Variants in EYS observed in about 807,000 individuals in gnomAD.
The protein encoded by EYS is protein eyes shut homolog.
In EYS, 250 loss-of-function variants were observed where a neutral mutation model predicts 282.1. The ratio of observed to expected loss-of-function variants is 0.89; its 90% CI spans 0.80 to 0.98. The LOEUF (loss-of-function observed/expected upper bound fraction) is 0.98, where lower values mean the gene tolerates loss of function less well. Ranked by LOEUF, EYS falls within the 50% of genes least tolerant of loss-of-function variation. The pLI is 0.00. For missense variants in EYS, 4,016 were observed against 3,709.0 expected, an observed-to-expected ratio of 1.08 and a Z score of -2.15; for synonymous variants, 1,355 against 1,282.9, an observed-to-expected ratio of 1.06 and a Z score of -1.20.
intron 13 of EYS, among the ~76,000 whole-genome samples, chr6:64,999,077 A>T (rs748614949): frequency 1.4e-4 from 21 of 152,226 alleles, no homozygotes; most frequent in Non-Finnish European, 2.4e-4. Flanking sequence ...TTTATTGTCA[A>T]TAAATGTGTT....
intron 18 of EYS, among the ~76,000 whole-genome samples, chr6:64,887,066 T>C (rs1010717808): frequency 1.3e-5 from 2 of 151,818 alleles, no homozygotes; most frequent in African/African-American, 2.4e-5. Context: ...ATGTGTTGGG[T>C]AAATAATTAC....
At chr6:65,390,208 C>G (rs761430947) in intron 7 of EYS, among the ~76,000 whole-genome samples, 1 of 151,108 alleles carries the variant, frequency 6.6e-6, no homozygotes, top group African/African-American at 2.4e-5. Context: ...TTTAAACAAC[C>G]AAAGTGAGTG....
At chr6:64,763,366 C>T (rs989043934) in intron 22 of EYS, among the ~76,000 whole-genome samples, 8 of 152,098 alleles carry the variant, frequency 5.3e-5, no homozygotes, top group Non-Finnish European at 7.4e-5. Flanking sequence ...AAGCAAGCTC[C>T]TTCTTCATAT....
intron 31 of EYS, among the ~76,000 whole-genome samples, chr6:64,189,468 A>G (rs1765042396): frequency 6.6e-6 from 1 of 152,232 alleles, no homozygotes; most frequent in African/African-American, 2.4e-5. Flanking sequence ...CATATTGCCC[A>G]TGGCTGCTTG....
chr6:64,548,551 C>T (rs937417791), intron 26 of EYS, among the ~76,000 whole-genome samples: 2 of 152,124 alleles, frequency 1.3e-5, no homozygotes, highest in Non-Finnish European at 2.9e-5. Flanking sequence ...AGCAGGAAAC[C>T]ATCATTCTCA....
At chr6:64,572,539 C>A (rs527540534) in intron 26 of EYS, among the ~76,000 whole-genome samples, 1 of 152,166 alleles carries the variant, frequency 6.6e-6, no homozygotes, top group Non-Finnish European at 1.5e-5. Context: ...TTGTCTCAGC[C>A]CAAAATCTCC....
chr6:64,077,699 A>C (rs1003058400), intron 32 of EYS, among the ~76,000 whole-genome samples: 1 of 152,012 alleles, frequency 6.6e-6, no homozygotes, highest in African/African-American at 2.4e-5. Context: ...CTTTTCAAAG[A>C]AGCAGCACAG....
intron 12 of EYS, among the ~76,000 whole-genome samples, chr6:65,152,747 A>C (rs1481996652): frequency 1.3e-5 from 2 of 152,026 alleles, no homozygotes; most frequent in South Asian, 4.1e-4. Context: ...TTAATAGTTC[A>C]GCCATGAAAT....
intron 12 of EYS, among the ~76,000 whole-genome samples, chr6:65,070,612 A>C (rs139812587): frequency 7.0e-4 from 106 of 151,964 alleles, no homozygotes; most frequent in African/African-American, 2.3e-3. Context: ...GGTCACTAGC[A>C]TCCTGGCCAA....
At chr6:65,240,302 A>C (rs1767026427) in intron 12 of EYS, among the ~76,000 whole-genome samples, 1 of 151,954 alleles carries the variant, frequency 6.6e-6, no homozygotes, top group African/African-American at 2.4e-5. Flanking sequence ...TTTTAGGTTC[A>C]GGGGGTACAC....
chr6:64,745,736 G>T (rs779469630), intron 22 of EYS, among the ~76,000 whole-genome samples: 19 of 152,120 alleles, frequency 1.2e-4, no homozygotes, highest in Non-Finnish European at 2.5e-4. Context: ...ATTTCTTATG[G>T]TTTTTGAAAT....
intron 14 of EYS, among the ~76,000 whole-genome samples, chr6:64,952,425 A>G (rs867066107): frequency 9.9e-5 from 15 of 152,182 alleles, no homozygotes; most frequent in Middle Eastern, 3.4e-3. Flanking sequence ...TAAGAAGTAC[A>G]GCACTGAGTA....
chr6:63,879,059 G>T lies in EYS; in HGVS notation c.7056-14701C>A, dbSNP rs527280130. Among the ~76,000 whole-genome samples the T allele has an allele frequency of 5.9e-5, 9 of 152,288 alleles. No individual in the cohort carries two copies. The East Asian group carries it at 1.5e-3, about 26-fold the overall frequency. ...TATGTCATTCACGTTGGGAGCTGTA[G>T]ACTGGAGCTGTTCCTATTTGTCCAT... On this transcript the variant is annotated intron_variant, in intron 35 of 42. Transcript: ENST00000503581.
At position 64,843,811 on chromosome 6, in the gene EYS, T is replaced by C. The variant is rs182657388; in HGVS notation, c.2993-20989A>G. 1.7e-3 allele frequency among the ~76,000 whole-genome samples: 256 copies of C among 152,184 alleles called. 1 individual carries two copies. The highest frequency in any genetic ancestry group is 5.6e-3 in the African/African-American group (234 of 41,516). On this transcript the variant is annotated intron_variant, in intron 19 of 42. Coordinates refer to ENST00000503581, the MANE Select transcript of EYS (RefSeq NM_001142800.2). ...ATTTTGAAATGTGAGGACATGAGAT[T>C]TGGAGGGGCCCAGGGTGGAATGATA...
chr6:64,398,164 T>C (rs923784427), intron 28 of EYS, among the ~76,000 whole-genome samples: 3 of 152,044 alleles, frequency 2.0e-5, no homozygotes, highest in East Asian at 3.9e-4. Context: ...CTGAACACCA[T>C]AAAGTTGTGG....
chr6:64,742,995 T>C (rs1156244396), intron 22 of EYS, among the ~76,000 whole-genome samples: 1 of 152,146 alleles, frequency 6.6e-6, no homozygotes, highest in Non-Finnish European at 1.5e-5. Context: ...GGATTTAGTC[T>C]CTTTCCTCCC....
At chr6:65,551,203 C>A (rs1768599277) in intron 2 of EYS, among the ~76,000 whole-genome samples, 1 of 14,294 alleles carries the variant, frequency 7.0e-5, no homozygotes, top group Non-Finnish European at 9.8e-5. Context: ...AAGAACATTC[C>A]ATGCTCATGG....
chr6:65,494,422 C>T (rs901871419), intron 4 of EYS, among the ~76,000 whole-genome samples: 2 of 151,740 alleles, frequency 1.3e-5, no homozygotes, highest in African/African-American at 2.4e-5. Flanking sequence ...GGACTACAGG[C>T]GCCCTCCACC....
intron 12 of EYS, among the ~76,000 whole-genome samples, chr6:65,224,359 G>A (rs999006756): frequency 6.6e-6 from 1 of 152,046 alleles, no homozygotes; most frequent in Non-Finnish European, 1.5e-5. Context: ...AAAATATGTT[G>A]AGACAAATGA....
Sources: allele counts gnomAD v4.1 joint callset (sites outside exome capture counted in the v4.1 genomes callset), GRCh38; gene constraint gnomAD v4.1.1; transcripts MANE v1.5; gene names NCBI Gene and HGNC (gene_info 2026-07-23, HGNC 2026-07-21).